The following TRIO variants were observed in gnomAD, a reference collection of about 807,000 sequenced individuals.
TRIO encodes the protein triple functional domain protein.
A neutral mutation model predicts 351.9 loss-of-function variants in TRIO; 58 were observed. The observed-to-expected ratio is 0.16, with a 90% CI of 0.13 to 0.21. The LOEUF (loss-of-function observed/expected upper bound fraction) is 0.21, where lower values mean the gene tolerates loss of function less well. TRIO is among the 10% of genes least tolerant of loss of function. TRIO has a pLI of 1.00. For synonymous variants in TRIO, 1,758 were observed against 1,595.7 expected, an observed-to-expected ratio of 1.10 and a Z score of -2.42; for missense variants, 3,201 against 4,027.8, an observed-to-expected ratio of 0.79 and a Z score of 5.56.
At chr5:14,161,786 G>C (rs959519080) in intron 1 of TRIO, among the ~76,000 whole-genome samples, 2 of 152,202 alleles carry the variant, frequency 1.3e-5, no homozygotes, top group African/African-American at 4.8e-5. Context: ...GAGTTCAGTG[G>C]TGTGATTATG....
intron 35 of TRIO, 96 bp downstream of exon 35, chr5:14,461,407 T>G: frequency 7.1e-7 from 1 of 1,399,660 alleles, no homozygotes; most frequent in Non-Finnish European, 9.3e-7. Flanking sequence ...ACTGGTTTGG[T>G]TCTGTTTTCC....
chr5:14,189,763 C>A (rs1790348064), intron 1 of TRIO, among the ~76,000 whole-genome samples: 1 of 150,886 alleles, frequency 6.6e-6, no homozygotes, highest in Admixed American at 6.6e-5. Context: ...TGAGGTCTTG[C>A]TGTGTTGCCC....
chr5:14,320,993 A>G (rs910803555), intron 9 of TRIO, among the ~76,000 whole-genome samples: 6 of 152,184 alleles, frequency 3.9e-5, no homozygotes, highest in African/African-American at 1.4e-4. Context: ...TTGATGGGGC[A>G]TATCTACACT....
intron 34 of TRIO, among the ~76,000 whole-genome samples, chr5:14,453,002 C>T (rs1282738005): frequency 6.6e-6 from 1 of 152,138 alleles, no homozygotes. Flanking sequence ...TGTGTGTTCA[C>T]ATGGTGAAAC....
intron 49 of TRIO, 124 bp downstream of exon 49, chr5:14,492,938 C>T: frequency 7.0e-7 from 1 of 1,434,244 alleles, no homozygotes; most frequent in Non-Finnish European, 9.3e-7. Context: ...TATGTTAGAA[C>T]AGGCTCAGCT....
At chr5:14,450,230 C>G (rs1163459777) in intron 34 of TRIO, among the ~76,000 whole-genome samples, 1 of 152,230 alleles carries the variant, frequency 6.6e-6, no homozygotes, top group African/African-American at 2.4e-5. Flanking sequence ...CTTTTCATGA[C>G]ATGACTCATG....
rs758914905 is a variant in TRIO, at chr5:14,461,004, CT to C, written c.5204-12del. The C allele has an allele frequency of 3.2e-5, 49 of 1,546,362 alleles. No homozygotes were observed. In the Middle Eastern group the frequency reaches 1.2e-3, roughly 38 times the overall value. On this transcript the variant is annotated splice_polypyrimidine_tract_variant and intron_variant, in intron 34 of 56. Coordinates refer to ENST00000344204, the MANE Select transcript of TRIO (RefSeq NM_007118.4). ...TGTGCGAGTCAGTGATACTCCCTCTCTTTCTCCCTGGCAGACTCGCTCTCCG... is the reference window on the plus strand; with the variant it reads ...TGTGCGAGTCAGTGATACTCCCTCTCTTCTCCCTGGCAGACTCGCTCTCCG...
At chr5:14,387,975 C>T in intron 23 of TRIO, 128 bp downstream of exon 23, 4 of 927,936 alleles carry the variant, frequency 4.3e-6, no homozygotes, top group Non-Finnish European at 6.6e-6. Flanking sequence ...TCTGGGTGGA[C>T]TTAGTTGTGT....
chr5:14,369,230 A>C, intron 17 of TRIO, 144 bp from the exon 18 acceptor site: 1 of 1,203,936 alleles, frequency 8.3e-7, no homozygotes, highest in Non-Finnish European at 1.1e-6. Context: ...TTCTCCAGCC[A>C]GGTGGAGCCC....
chr5:14,250,669 T>A (rs948428676), intron 1 of TRIO, among the ~76,000 whole-genome samples: 1 of 152,226 alleles, frequency 6.6e-6, no homozygotes, highest in Non-Finnish European at 1.5e-5. Flanking sequence ...ATGGAGAGGC[T>A]GTACTGTGTT....
At chr5:14,350,314 G>A (rs1742943967) in intron 11 of TRIO, among the ~76,000 whole-genome samples, 1 of 152,182 alleles carries the variant, frequency 6.6e-6, no homozygotes, top group Non-Finnish European at 1.5e-5. Flanking sequence ...CCTGAGGGTG[G>A]GGGAGCAGCA....
At chr5:14,145,812 G>A (rs1041768451) in intron 1 of TRIO, among the ~76,000 whole-genome samples, 1 of 152,166 alleles carries the variant, frequency 6.6e-6, no homozygotes, top group Non-Finnish European at 1.5e-5. Flanking sequence ...GCTGCCTGTT[G>A]GCGTGGCTCT....
At chr5:14,481,440 G>C (rs551522918) in intron 44 of TRIO, 101 bp from the exon 45 acceptor site, 43 of 1,501,004 alleles carry the variant, frequency 2.9e-5, no homozygotes, top group Middle Eastern at 3.5e-4. Context: ...CACACTAGAG[G>C]GTGGGGAGGA....
chr5:14,274,979 G>T (rs2152272492), intron 2 of TRIO, among the ~76,000 whole-genome samples: 1 of 152,254 alleles, frequency 6.6e-6, no homozygotes, highest in South Asian at 2.1e-4. Context: ...AACAATACAG[G>T]TTGCTAGGCA....
At chr5:14,241,367 C>T (rs354281) in intron 1 of TRIO, among the ~76,000 whole-genome samples, 3,352 of 152,216 alleles carry the variant, frequency 0.022, 117 homozygotes, top group African/African-American at 0.076. Flanking sequence ...TAGGCAGAAG[C>T]TTCTGTAATC....
intron 53 of TRIO, among the ~76,000 whole-genome samples, chr5:14,499,385 G>T (rs1382799780): frequency 6.6e-6 from 1 of 152,218 alleles, no homozygotes; most frequent in Non-Finnish European, 1.5e-5. Flanking sequence ...AGAAAGGTGT[G>T]GACTGTTCTC....
intron 33 of TRIO, among the ~76,000 whole-genome samples, chr5:14,411,609 CTTT>C (rs959424398): frequency 5.9e-5 from 9 of 152,110 alleles, no homozygotes; most frequent in Non-Finnish European, 1.2e-4. Flanking sequence ...TTCAGTCACT[CTTT>C]TTTTAAAATT....
At chr5:14,409,078 C>T (rs1377652147) in intron 33 of TRIO, among the ~76,000 whole-genome samples, 3 of 152,092 alleles carry the variant, frequency 2.0e-5, no homozygotes, top group Middle Eastern at 3.4e-3. Context: ...TTCATTATTC[C>T]GGACAGAGTT....
chr5:14,368,124 G>A (rs1398351677), intron 16 of TRIO, among the ~76,000 whole-genome samples: 2 of 152,158 alleles, frequency 1.3e-5, no homozygotes, highest in Non-Finnish European at 2.9e-5. Context: ...AGACAGCTGA[G>A]CAAAATCCTA....
Sources: gnomAD v4.1 joint callset for allele counts (sites outside exome capture counted in the v4.1 genomes callset) on GRCh38, gnomAD v4.1.1 for gene constraint, MANE v1.5 for transcripts, NCBI Gene and HGNC (gene_info 2026-07-23, HGNC 2026-07-21) for gene names.